The following TMEM163 variants were observed in gnomAD, a reference collection of about 807,000 sequenced individuals.
TMEM163 encodes the protein transmembrane protein 163.
TMEM163 carries 17 observed loss-of-function variants against 29.3 expected under a neutral mutation model. The ratio of observed to expected loss-of-function variants is 0.58; its 90% CI spans 0.40 to 0.87. TMEM163 has a LOEUF of 0.87. Ranked by LOEUF, TMEM163 falls within the 40% of genes least tolerant of loss-of-function variation. The pLI is 0.00. For synonymous variants in TMEM163, 157 were observed against 160.6 expected (o/e 0.98, Z 0.17); for missense variants, 303 against 381.5 (o/e 0.79, Z 1.71).
At chr2:134,536,078 G>A (rs566020150) in intron 4 of TMEM163, among the ~76,000 whole-genome samples, 11 of 152,278 alleles carry the variant, frequency 7.2e-5, no homozygotes, top group South Asian at 4.1e-4. Context: ...GGGCGCACGC[G>A]TATATACGTG....
At chr2:134,591,590 C>T in intron 2 of TMEM163, among the ~76,000 whole-genome samples, 1 of 152,134 alleles carries the variant, frequency 6.6e-6, no homozygotes, top group East Asian at 1.9e-4. Context: ...GTTCAAATGC[C>T]TCTGACAGTC....
intron 5 of TMEM163, among the ~76,000 whole-genome samples, chr2:134,476,764 T>C (rs1299526059): frequency 2.0e-5 from 3 of 152,192 alleles, no homozygotes; most frequent in Admixed American, 6.5e-5. Flanking sequence ...ACACTCCTTT[T>C]TCTAGACATC....
At chr2:134,563,136 G>A (rs968486764) in intron 2 of TMEM163, among the ~76,000 whole-genome samples, 3 of 152,150 alleles carry the variant, frequency 2.0e-5, no homozygotes, top group South Asian at 2.1e-4. Flanking sequence ...AAAGGAGTGC[G>A]TGCTCAGACA....
chr2:134,531,490 C>A (rs77787175), intron 4 of TMEM163, among the ~76,000 whole-genome samples: 5,102 of 152,240 alleles, frequency 0.034, 199 homozygotes, highest in East Asian at 0.15. Context: ...AGCTCCAAGC[C>A]CCAGGGTGTT....
rs371509030 is a variant in TMEM163, at chr2:134,524,938, TCAC to T, written c.459-21944_459-21942del. Among the ~76,000 whole-genome samples the T allele has an allele frequency of 3.5e-3, 532 of 151,096 alleles. 27 individuals carry two copies. Among genetic ancestry groups the T allele is most frequent in the African/African-American group, 0.012 (504 of 41,290 alleles). On this transcript the variant is annotated intron_variant, in intron 4 of 7. Coordinates refer to ENST00000281924, the MANE Select transcript of TMEM163 (RefSeq NM_030923.5). Reference sequence around the variant, plus strand: ...TTTCTGGTTCTAGGTCTTTGAGGAATCACCACATTGCCTTCCACAATGGTTGAA... The same window carrying T: ...TTTCTGGTTCTAGGTCTTTGAGGAATCACATTGCCTTCCACAATGGTTGAA...
At chr2:134,711,206 T>G (rs143298047) in intron 2 of TMEM163, among the ~76,000 whole-genome samples, 1 of 152,352 alleles carries the variant, frequency 6.6e-6, no homozygotes, top group East Asian at 1.9e-4. Context: ...GAAGAGATTT[T>G]AAATACTGCA....
intron 2 of TMEM163, among the ~76,000 whole-genome samples, chr2:134,595,385 A>G (rs1027720091): frequency 1.3e-5 from 2 of 151,850 alleles, no homozygotes; most frequent in Non-Finnish European, 2.9e-5. Context: ...TTGTCCTTGC[A>G]ATAGTTTGCT....
intron 4 of TMEM163, among the ~76,000 whole-genome samples, chr2:134,506,046 C>T (rs146114472): frequency 1.3e-3 from 200 of 152,248 alleles, no homozygotes; most frequent in African/African-American, 4.6e-3. Flanking sequence ...ACTCCCAACA[C>T]GTCAGCCAAA....
At chr2:134,559,048 A>G (rs1415466099) in intron 2 of TMEM163, among the ~76,000 whole-genome samples, 1 of 152,204 alleles carries the variant, frequency 6.6e-6, no homozygotes, top group Non-Finnish European at 1.5e-5. Context: ...TCTGCTGCCT[A>G]ACAAGAAAAC....
intron 2 of TMEM163, among the ~76,000 whole-genome samples, chr2:134,694,743 C>CAT (rs1684542056): frequency 6.6e-6 from 1 of 152,202 alleles, no homozygotes; most frequent in African/African-American, 2.4e-5. Flanking sequence ...TGACTATATA[C>CAT]ACACATTATT....
chr2:134,580,170 C>T (rs553001818), intron 2 of TMEM163, among the ~76,000 whole-genome samples: 5 of 152,154 alleles, frequency 3.3e-5, no homozygotes, highest in African/African-American at 1.2e-4. Context: ...TGTATTTTCA[C>T]GGCACATTAA....
intron 2 of TMEM163, among the ~76,000 whole-genome samples, chr2:134,662,112 T>C (rs1019964517): frequency 2.0e-5 from 3 of 151,908 alleles, no homozygotes; most frequent in African/African-American, 7.3e-5. Flanking sequence ...ATTTTTTGTA[T>C]TTTTAGTAGA....
At chr2:134,644,947 G>A (rs556965039) in intron 2 of TMEM163, among the ~76,000 whole-genome samples, 8 of 152,002 alleles carry the variant, frequency 5.3e-5, no homozygotes, top group African/African-American at 9.7e-5. Context: ...TTTGAAAAAC[G>A]GTTAAAAGCC....
At chr2:134,547,226 A>C (rs7606745) in intron 4 of TMEM163, among the ~76,000 whole-genome samples, 1,859 of 152,348 alleles carry the variant, frequency 0.012, 37 homozygotes, top group African/African-American at 0.042. Context: ...AAAATTCACA[A>C]TAAAAATCTT....
chr2:134,641,828 T>G (rs1462138807), intron 2 of TMEM163, among the ~76,000 whole-genome samples: 1 of 152,192 alleles, frequency 6.6e-6, no homozygotes, highest in Non-Finnish European at 1.5e-5. Context: ...TTATGTGCTA[T>G]CTACAGACTA....
At chr2:134,688,182 C>T (rs1433779368) in intron 2 of TMEM163, among the ~76,000 whole-genome samples, 1 of 152,160 alleles carries the variant, frequency 6.6e-6, no homozygotes, top group African/African-American at 2.4e-5. Context: ...CTCACAACCC[C>T]AAGCAGGAGC....
intron 4 of TMEM163, among the ~76,000 whole-genome samples, chr2:134,529,603 A>G (rs1223399269): frequency 6.6e-6 from 1 of 151,610 alleles, no homozygotes; most frequent in East Asian, 2.0e-4. Context: ...AAGTACAAAA[A>G]TTGGCCGGGC....
At chr2:134,466,374 CTCAGT>C (rs1686669651) in intron 5 of TMEM163, 149 bp from the exon 6 acceptor site, 1 of 602,066 alleles carries the variant, frequency 1.7e-6, no homozygotes, top group Non-Finnish European at 3.0e-6. Flanking sequence ...GCTTTCACAC[CTCAGT>C]TATGTGTCAC....
intron 4 of TMEM163, among the ~76,000 whole-genome samples, chr2:134,511,948 C>T (rs1488362252): frequency 6.6e-6 from 1 of 152,136 alleles, no homozygotes; most frequent in Non-Finnish European, 1.5e-5. Context: ...TTTTGCTGAA[C>T]ACGGATGGGG....
Sources: gnomAD v4.1 joint callset for allele counts (sites outside exome capture counted in the v4.1 genomes callset) on GRCh38, gnomAD v4.1.1 for gene constraint, MANE v1.5 for transcripts, NCBI Gene and HGNC (gene_info 2026-07-23, HGNC 2026-07-21) for gene names.